Variants in ABLIM3 observed in about 807,000 individuals in gnomAD.
ABLIM3 encodes actin-binding LIM protein 3.
In ABLIM3, 61 loss-of-function variants were observed where a neutral mutation model predicts 109.5. The observed-to-expected ratio is 0.56, with a 90% CI of 0.45 to 0.69. ABLIM3 has a LOEUF of 0.69. ABLIM3 is among the 30% of genes least tolerant of loss of function. The pLI is 0.00. For missense variants in ABLIM3, 796 were observed against 889.5 expected (o/e 0.89, Z 1.34); for synonymous variants, 300 against 324.8 (o/e 0.92, Z 0.82).
At position 149,205,002 on chromosome 5, in the gene ABLIM3, TTG is replaced by T. The variant is rs1758833444; in HGVS notation, c.449-2002_449-2001del. The stretch of plus-strand genomic sequence containing the variant: ...TAAGTTTTGTTGAAGAAACAGAGAA[TTG>T]TGTTGTTTGCCAATTACATGTCTTT... On this transcript the variant is annotated intron_variant, in intron 5 of 23. Coordinates refer to ENST00000309868, the MANE Select transcript of ABLIM3 (RefSeq NM_014945.5). Among the ~76,000 whole-genome samples the T allele has an allele frequency of 1.3e-5, 2 of 152,148 alleles. 1 individual carries two copies. The highest frequency in any genetic ancestry group is 4.1e-4 in the South Asian group (2 of 4,830).
At chr5:149,249,681 G>A (rs1462829611) in intron 18 of ABLIM3, 134 bp from the exon 19 acceptor site, 3 of 916,844 alleles carry the variant, frequency 3.3e-6, no homozygotes, top group Non-Finnish European at 5.2e-6. Flanking sequence ...TTCAGGAGGG[G>A]CTGCAGGAGG....
intron 13 of ABLIM3, chr5:149,240,358 G>C (rs897243643): frequency 7.0e-6 from 3 of 428,388 alleles, no homozygotes; most frequent in African/African-American, 5.9e-5. Flanking sequence ...GCGTCCAAAA[G>C]GGGGAGGTTC....
rs1490468691 is a variant in ABLIM3 at position 149,142,079 on chromosome 5, A to G, written c.-17A>G. On this transcript the variant is annotated 5_prime_UTR_variant, in exon 2 of 24. Coordinates refer to ENST00000309868, the MANE Select transcript of ABLIM3 (RefSeq NM_014945.5). ...GGCCTCCGTATTGAATGAAAGACCC[A>G]GTGCAAAGACATCACCATGAACACT... is the stretch of plus-strand genomic sequence containing the variant. 6.2e-7 allele frequency: 1 copy of G among 1,601,396 alleles called. No homozygotes were observed. Among genetic ancestry groups the G allele is most frequent in the African/African-American group, 1.3e-5 (1 of 74,296 alleles).
chr5:149,162,296 T>A (rs1246444196), intron 2 of ABLIM3, among the ~76,000 whole-genome samples: 1 of 152,182 alleles, frequency 6.6e-6, no homozygotes, highest in Non-Finnish European at 1.5e-5. Context: ...ACAGCTTTAT[T>A]GGGGTTATAG....
At chr5:149,215,916 G>C (rs892305441) in intron 7 of ABLIM3, among the ~76,000 whole-genome samples, 8 of 152,214 alleles carry the variant, frequency 5.3e-5, no homozygotes, top group Admixed American at 5.2e-4. Context: ...ACTGCTGCTG[G>C]CTTGCAGTGA....
chr5:149,210,547 A>T (rs1401042597), intron 6 of ABLIM3, among the ~76,000 whole-genome samples, 179 bp from the exon 7 acceptor site: 2 of 152,236 alleles, frequency 1.3e-5, no homozygotes, highest in Non-Finnish European at 2.9e-5. Context: ...GCTTCCTGTC[A>T]TCTACTGATC....
intron 2 of ABLIM3, among the ~76,000 whole-genome samples, chr5:149,155,835 C>A (rs1323607049): frequency 2.0e-5 from 3 of 152,170 alleles, no homozygotes; most frequent in African/African-American, 7.2e-5. Context: ...AGGATCAGCT[C>A]TTTGAGAGGG....
intron 5 of ABLIM3, among the ~76,000 whole-genome samples, chr5:149,206,091 G>T (rs1758939911): frequency 6.6e-6 from 1 of 152,208 alleles, no homozygotes; most frequent in African/African-American, 2.4e-5. Context: ...CGCCAAAGTG[G>T]GTCATCCGGT....
Position 149,171,154 on chromosome 5 carries a change from G to T in ABLIM3, c.14-12298G>T, listed in dbSNP as rs17722558. ...TTTATTTGAAACATATAAATTGAGTGCCTATAGTACTGGACTTAGCATTAG... is the reference window on the plus strand; with the variant it reads ...TTTATTTGAAACATATAAATTGAGTTCCTATAGTACTGGACTTAGCATTAG... On this transcript the variant is annotated intron_variant, in intron 2 of 23. Transcript: ENST00000309868. Among the ~76,000 whole-genome samples the T allele has an allele frequency of 0.012, 1,798 of 152,248 alleles. 85 individuals carry two copies. The East Asian group carries it at 0.15, about 13-fold the overall frequency.
intron 13 of ABLIM3, 177 bp from the exon 14 acceptor site, chr5:149,240,499 A>C: frequency 1.7e-6 from 1 of 600,628 alleles, no homozygotes; most frequent in Admixed American, 2.9e-5. Context: ...GTTTCTGCCA[A>C]CGTGGTGCAT....
At chr5:149,231,877 G>A (rs530835720) in intron 9 of ABLIM3, among the ~76,000 whole-genome samples, 1 of 152,008 alleles carries the variant, frequency 6.6e-6, no homozygotes, top group East Asian at 1.9e-4. Flanking sequence ...ACTTTATATT[G>A]CCACGTGAAA....
At chr5:149,202,753 A>C in intron 5 of ABLIM3, among the ~76,000 whole-genome samples, 1 of 152,176 alleles carries the variant, frequency 6.6e-6, no homozygotes, top group East Asian at 1.9e-4. Flanking sequence ...AGAGAAAATA[A>C]TTCTGTTACT....
At chr5:149,161,805 A>C (rs1208546683) in intron 2 of ABLIM3, among the ~76,000 whole-genome samples, 1 of 152,114 alleles carries the variant, frequency 6.6e-6, no homozygotes, top group Non-Finnish European at 1.5e-5. Context: ...TTTTTCTGCC[A>C]TTAGTACCAA....
intron 2 of ABLIM3, among the ~76,000 whole-genome samples, chr5:149,143,661 A>G (rs1752684797): frequency 6.6e-6 from 1 of 152,126 alleles, no homozygotes; most frequent in Admixed American, 6.5e-5. Flanking sequence ...ATGCTAAGCT[A>G]GCGAGTGTGG....
At chr5:149,230,624 C>G in intron 8 of ABLIM3, 25 bp from the exon 9 acceptor site, 1 of 1,613,624 alleles carries the variant, frequency 6.2e-7, no homozygotes. Flanking sequence ...AGGTCTGAGT[C>G]TTCGTTATTT....
intron 15 of ABLIM3, chr5:149,244,670 C>T (rs1753177761): frequency 1.7e-6 from 1 of 600,076 alleles, no homozygotes; most frequent in African/African-American, 1.9e-5. Context: ...CCCTTCCCCT[C>T]TCTGGTGCTC....
In ABLIM3 at chr5:149,240,705, C is replaced by T. The variant is rs759333064; in HGVS notation, c.1234C>T (p.His412Tyr). The T allele has an allele frequency of 1.2e-6, 2 of 1,614,146 alleles. No homozygotes were observed. Among genetic ancestry groups the T allele is most frequent in the South Asian group, 2.2e-5 (2 of 91,080 alleles). ...GPESGRSSPYHSQLDVRSSTP... is the reference protein window; with the variant it reads ...GPESGRSSPYYSQLDVRSSTP... The stretch of plus-strand genomic sequence containing the variant: ...CGAGAGTGGCCGGAGCTCTCCATAC[C>T]ATAGCCAGTTAGATGTGAGGTCCTC... Residue 412 changes from histidine to tyrosine, a missense_variant, in exon 14 of 24, where the codon CAT becomes TAT. Coordinates refer to ENST00000309868, the MANE Select transcript of ABLIM3 (RefSeq NM_014945.5).
intron 2 of ABLIM3, among the ~76,000 whole-genome samples, chr5:149,177,456 C>T (rs1178833969): frequency 6.6e-6 from 1 of 152,208 alleles, no homozygotes; most frequent in African/African-American, 2.4e-5. Flanking sequence ...CCTAGGATAA[C>T]ATAGATCATA....
chr5:149,207,618 A>G lies in ABLIM3; in HGVS notation c.575+484A>G, dbSNP rs78351308. ...TTAAATCCTCATAACTGCCCCTTTG[A>G]GGAATTTATCCCCACTGAATACTCA... On this transcript the variant is annotated intron_variant, in intron 6 of 23. Transcript: ENST00000309868. Among the ~76,000 whole-genome samples, 978 of 152,352 alleles carry G rather than the reference A, an allele frequency of 6.4e-3. 11 individuals are homozygous for G. Among genetic ancestry groups the G allele is most frequent in the African/African-American group, 0.022 (926 of 41,580 alleles).
Sources: allele counts gnomAD v4.1 joint callset (sites outside exome capture counted in the v4.1 genomes callset), GRCh38; gene constraint gnomAD v4.1.1; transcripts MANE v1.5; gene names NCBI Gene and HGNC (gene_info 2026-07-23, HGNC 2026-07-21).